The following B4GALT1 variants were observed in gnomAD, a reference collection of about 807,000 sequenced individuals.
B4GALT1 encodes N-acetyllactosamine synthase.
Under a neutral mutation model 34.9 loss-of-function variants are expected in B4GALT1, and 16 were observed. The ratio of observed to expected loss-of-function variants is 0.46; its 90% CI spans 0.31 to 0.70. The LOEUF is 0.70. Among genes scored for constraint, B4GALT1 ranks in the 30% least tolerant of loss-of-function variants. B4GALT1 has a pLI of 0.05. For synonymous variants in B4GALT1, 221 were observed against 218.1 expected, an observed-to-expected ratio of 1.01 and a Z score of -0.12; for missense variants, 445 against 530.5, an observed-to-expected ratio of 0.84 and a Z score of 1.58.
At chr9:33,172,034 T>C (rs926486721), upstream of B4GALT1, among the ~76,000 whole-genome samples, 3 of 152,234 alleles carry the variant, frequency 2.0e-5, no homozygotes, top group African/African-American at 7.2e-5. Context: ...ATTGTCTAAA[T>C]CAGATCCAGG....
At chr9:33,132,351 T>C (rs1840205494) in intron 2 of B4GALT1, among the ~76,000 whole-genome samples, 1 of 152,164 alleles carries the variant, frequency 6.6e-6, no homozygotes, top group African/African-American at 2.4e-5. Context: ...ACTCATCACT[T>C]GAGACGGTTC....
At chr9:33,120,368 A>T in intron 3 of B4GALT1, 51 bp downstream of exon 3, 1 of 1,601,746 alleles carries the variant, frequency 6.2e-7, no homozygotes, top group Non-Finnish European at 8.5e-7. Context: ...TTTCCTAGTC[A>T]ACACATGAGA....
intron 1 of B4GALT1, among the ~76,000 whole-genome samples, chr9:33,142,770 C>T (rs1028911116): frequency 6.6e-6 from 1 of 152,092 alleles, no homozygotes; most frequent in African/African-American, 2.4e-5. Flanking sequence ...AAGTGAGAAA[C>T]ATTTTTTCAA....
intron 1 of B4GALT1, 137 bp from the exon 2 acceptor site, chr9:33,135,561 G>C (rs1840256769): frequency 4.9e-6 from 4 of 816,628 alleles, no homozygotes; most frequent in East Asian, 2.7e-5. Flanking sequence ...GCCACGGAGA[G>C]GGCCCTCCTG....
At chr9:33,114,141 T>C (rs1030479608) in intron 4 of B4GALT1, among the ~76,000 whole-genome samples, 2 of 152,214 alleles carry the variant, frequency 1.3e-5, no homozygotes, top group Non-Finnish European at 2.9e-5. Flanking sequence ...CCACAGAATA[T>C]ACAGTGTGAA....
chr9:33,166,997 G>A lies in B4GALT1; in HGVS notation c.173C>T (p.Thr58Ile). The change falls in exon 1 of 6, where the codon ACA becomes ATA. Residue 58 changes from threonine (T) to isoleucine (I), a missense_variant. Physicochemically the swap from Thr to Ile is moderately conservative, Grantham distance 89 (BLOSUM62 -1). Around this residue, in one of 3 missense-constraint regions of B4GALT1, gnomAD observed 349 missense variants for 395.5 expected, o/e 0.88. Transcript: ENST00000379731. ...SRLPQLVGVS[T>I]PLQGGSNSAA... Reference sequence around the variant, plus strand: ...ACTGTTCGAGCCGCCCTGCAGCGGTGTGGAGACTCCGACCAGTTGGGGCAG... The same window carrying A: ...ACTGTTCGAGCCGCCCTGCAGCGGTATGGAGACTCCGACCAGTTGGGGCAG... 6 of 1,594,364 alleles carry A rather than the reference G, an allele frequency of 3.8e-6. No individual in the cohort carries two copies. Among genetic ancestry groups the A allele is most frequent in the Non-Finnish European group, 5.1e-6 (6 of 1,176,538 alleles).
intron 1 of B4GALT1, among the ~76,000 whole-genome samples, chr9:33,161,014 C>T (rs1840666914): frequency 1.4e-5 from 2 of 138,448 alleles, no homozygotes; most frequent in Non-Finnish European, 3.2e-5. Context: ...CTCTGTGAGG[C>T]AAGTCATTCT....
At chr9:33,174,993 ATATATATATATATATATATATATATAT>A in the B4GALT1 span, among the ~76,000 whole-genome samples, 1 of 31,506 alleles carries the variant, frequency 3.2e-5, no homozygotes, top group Admixed American at 4.0e-4. Context: ...AAAAAAAAAT[ATATATATATATATATATATATATATAT>A]AAAATTGGAG....
chr9:33,133,398 T>C (rs1489502483), intron 2 of B4GALT1, among the ~76,000 whole-genome samples: 1 of 152,188 alleles, frequency 6.6e-6, no homozygotes, highest in Non-Finnish European at 1.5e-5. Flanking sequence ...GGCTTATTAG[T>C]CATCCCTGCT....
chr9:33,161,957 C>A (rs1840681366), intron 1 of B4GALT1, among the ~76,000 whole-genome samples: 1 of 152,162 alleles, frequency 6.6e-6, no homozygotes, highest in Admixed American at 6.5e-5. Flanking sequence ...AGGGGATGAG[C>A]CTGCCGGCCC....
intron 3 of B4GALT1, among the ~76,000 whole-genome samples, chr9:33,117,114 G>A (rs1317430240): frequency 6.6e-6 from 1 of 152,058 alleles, no homozygotes; most frequent in Admixed American, 6.6e-5. Context: ...ATCTGAGATT[G>A]TTTCAGAGCC....
In B4GALT1 at chr9:33,125,696, C is replaced by T. The variant is rs193088677; in HGVS notation, c.649-5090G>A. On this transcript the variant is annotated intron_variant, in intron 2 of 5. Coordinates refer to ENST00000379731, the MANE Select transcript of B4GALT1 (RefSeq NM_001497.4). ...GACAGGTGCTAGAATCTGGTCTAAT[C>T]CCCAAGAAAATCCTAACTGTGGTTA... Among the ~76,000 whole-genome samples, 838 of 152,216 alleles carry T rather than the reference C, an allele frequency of 5.5e-3. 4 individuals are homozygous for T. Among genetic ancestry groups the T allele is most frequent in the Non-Finnish European group, 9.5e-3 (648 of 67,990 alleles).
the B4GALT1 span, among the ~76,000 whole-genome samples, chr9:33,173,142 G>A: frequency 2.6e-5 from 4 of 152,178 alleles, no homozygotes; most frequent in African/African-American, 9.7e-5. Flanking sequence ...GGTGGCTCAC[G>A]CCTGTAAACC....
intron 2 of B4GALT1, among the ~76,000 whole-genome samples, chr9:33,124,372 G>T (rs929116240): frequency 6.6e-6 from 1 of 152,154 alleles, no homozygotes; most frequent in Non-Finnish European, 1.5e-5. Context: ...TTTAATCCCA[G>T]GAATGCTGGC....
In B4GALT1 at chr9:33,166,940, A is replaced by G. The variant is rs1407903515; in HGVS notation, c.230T>C (p.Leu77Pro). Residue 77 changes from leucine (L) to proline (P), a missense_variant, in exon 1 of 6, where the codon CTC becomes CCC. By Grantham distance (98) the Leu-to-Pro change is moderately conservative. Transcript: ENST00000379731. ...AAAIGQSSGE[L>P]RTGGARPPPP... ...CGGCGGCCGGGCCCCTCCGGTCCGGAGCTCCCCGGAGGACTGCCCGATGGC... is the reference window on the plus strand; with the variant it reads ...CGGCGGCCGGGCCCCTCCGGTCCGGGGCTCCCCGGAGGACTGCCCGATGGC... 26 of 1,571,694 alleles carry G rather than the reference A, an allele frequency of 1.7e-5. No individual in the cohort carries two copies. The highest frequency in any genetic ancestry group is 2.1e-5 in the Non-Finnish European group (24 of 1,166,042).
chr9:33,184,287 C>CACAA, the B4GALT1 span, among the ~76,000 whole-genome samples: 20 of 142,786 alleles, frequency 1.4e-4, no homozygotes, highest in African/African-American at 4.7e-4. Flanking sequence ...CACACACACA[C>CACAA]AAAAACATAG....
At chr9:33,174,049 A>G in the B4GALT1 span, 1 of 152,250 alleles carries the variant, frequency 6.6e-6, no homozygotes, top group Non-Finnish European at 1.5e-5. Flanking sequence ...AACAATTTTA[A>G]TGGGAAACAT....
At chr9:33,109,398 A>G (rs780963121), downstream of B4GALT1, among the ~76,000 whole-genome samples, 3 of 151,692 alleles carry the variant, frequency 2.0e-5, no homozygotes, top group African/African-American at 7.3e-5. Flanking sequence ...ATCACTTATA[A>G]TAAGACCAGT....
Position 33,127,349 on chromosome 9 carries a change from G to A in B4GALT1, c.649-6743C>T, listed in dbSNP as rs73484556. Among the ~76,000 whole-genome samples the A allele has an allele frequency of 2.6e-3, 401 of 152,354 alleles. 2 individuals are homozygous for A. Among genetic ancestry groups the A allele is most frequent in the African/African-American group, 8.9e-3 (370 of 41,574 alleles). On this transcript the variant is annotated intron_variant, in intron 2 of 5. Transcript: ENST00000379731. ...GCCCGACACACTGAAAAGTGGAGAC[G>A]TGGCTTTCCGCAGATATATCAAGAC...
Sources: gnomAD v4.1 joint callset for allele counts (sites outside exome capture counted in the v4.1 genomes callset) on GRCh38, gnomAD v4.1.1 for gene constraint, gnomAD v4.1.1 regional missense constraint, MANE v1.5 for transcripts, NCBI Gene and HGNC (gene_info 2026-07-23, HGNC 2026-07-21) for gene names.